MTOR: variants seen among roughly 807,000 people sequenced by gnomAD.
The protein encoded by MTOR is mechanistic target of rapamycin kinase.
MTOR carries 70 observed loss-of-function variants against 319.8 expected under a neutral mutation model. The observed-to-expected ratio is 0.22, with a 90% CI of 0.18 to 0.27. The LOEUF (loss-of-function observed/expected upper bound fraction) is 0.27. Among genes scored for constraint, MTOR ranks in the 10% least tolerant of loss-of-function variants. MTOR has a pLI of 1.00. For synonymous variants in MTOR, 1,183 were observed against 1,211.4 expected (o/e 0.98, Z 0.49); for missense variants, 1,890 against 3,274.4 (o/e 0.58, Z 10.32).
chr1:11,129,272 G>A lies in MTOR; in HGVS notation c.5715-321C>T, dbSNP rs943589279. Among the ~76,000 whole-genome samples the A allele has an allele frequency of 3.9e-5, 6 of 152,212 alleles. No homozygotes were observed. The highest frequency in any genetic ancestry group is 1.9e-4 in the East Asian group (1 of 5,188). On this transcript the variant is annotated intron_variant, in intron 40 of 57. Transcript: ENST00000361445. This position sits in a 1 kb window ranked among gnomAD's most constrained non-coding sequence, Gnocchi z 4.7. ...TCTGCACATGTAAGAGTCGCTGTACGGCAGAGGCAACAGGGACACCTGGCT... is the reference window on the plus strand; with the variant it reads ...TCTGCACATGTAAGAGTCGCTGTACAGCAGAGGCAACAGGGACACCTGGCT...
chr1:11,194,453 C>T (rs1354064236), intron 28 of MTOR: 1 of 1,613,630 alleles, frequency 6.2e-7, no homozygotes, highest in Admixed American at 1.7e-5. Context: ...CTCTGCTCCT[C>T]CTGACAGGAC....
chr1:11,205,639 A>G (rs575042631), intron 25 of MTOR, among the ~76,000 whole-genome samples: 1 of 152,352 alleles, frequency 6.6e-6, no homozygotes, highest in Admixed American at 6.5e-5. Context: ...TTTGCAGCTG[A>G]GCCTCAGAGT....
In MTOR at chr1:11,118,482, G is replaced by A. The variant is rs575115933; in HGVS notation, c.6934-1396C>T. ...GAACTCCTGACCTCGTGATCCGCCC[G>A]CCTCGGCCTCCTAAAGTGCTGGGAT... is the stretch of plus-strand genomic sequence containing the variant. On this transcript the variant is annotated intron_variant, in intron 49 of 57. Coordinates refer to ENST00000361445, the MANE Select transcript of MTOR (RefSeq NM_004958.4). Among the ~76,000 whole-genome samples, 31 of 151,528 alleles carry A rather than the reference G, an allele frequency of 2.0e-4. No homozygotes were observed. In the Middle Eastern group the frequency reaches 0.01, roughly 50 times the overall value.
At position 11,255,382 on chromosome 1, in the gene MTOR, CAAAAAAAA is replaced by C. The variant is rs56328160; in HGVS notation, c.705+602_705+609del. On this transcript the variant is annotated intron_variant, in intron 5 of 57. Transcript: ENST00000361445. ...TGGTGACAGAACAAGACTCCATCTCCAAAAAAAAAAAAAAAAAAAAAAAAAAAGAAAGA... is the reference window on the plus strand; with the variant it reads ...TGGTGACAGAACAAGACTCCATCTCCAAAAAAAAAAAAAAAAAAAGAAAGA... Among the ~76,000 whole-genome samples the C allele has an allele frequency of 2.3e-3, 222 of 98,214 alleles. 2 individuals are homozygous for C. The highest frequency in any genetic ancestry group is 0.011 in the African/African-American group (173 of 15,882). 64.4% of individuals were successfully genotyped at this position (98,214 alleles called of 152,430 possible).
At chr1:11,148,569 C>T (rs1193341244) in intron 31 of MTOR, among the ~76,000 whole-genome samples, 3 of 152,036 alleles carry the variant, frequency 2.0e-5, no homozygotes, top group Non-Finnish European at 4.4e-5. Context: ...TAGCTGGATG[C>T]AGGAACCTAA....
intron 28 of MTOR, among the ~76,000 whole-genome samples, chr1:11,197,436 G>A (rs1307937014): frequency 6.6e-6 from 1 of 152,224 alleles, no homozygotes; most frequent in Non-Finnish European, 1.5e-5. Flanking sequence ...AGACACAGGA[G>A]ACCAGCAGAA....
At chr1:11,160,820 C>T (rs980417596) in intron 29 of MTOR, among the ~76,000 whole-genome samples, 2 of 152,064 alleles carry the variant, frequency 1.3e-5, no homozygotes, top group African/African-American at 4.8e-5. Context: ...CCAAGATGGC[C>T]GAATAGGAAC....
chr1:11,261,022 CCTCAGG>C (rs1651050201), intron 1 of MTOR, among the ~76,000 whole-genome samples: 1 of 151,492 alleles, frequency 6.6e-6, no homozygotes, highest in African/African-American at 2.4e-5. Flanking sequence ...AAATTCCTGA[CCTCAGG>C]TGATCTGCCC....
At chr1:11,171,711 A>G (rs1217566468) in intron 28 of MTOR, among the ~76,000 whole-genome samples, 1 of 152,106 alleles carries the variant, frequency 6.6e-6, no homozygotes, top group Non-Finnish European at 1.5e-5. Flanking sequence ...CAAATTAAAA[A>G]TGTAAAAACA....
In MTOR at chr1:11,128,188, A is replaced by G. The variant is rs2100415631; in HGVS notation, c.5911-62T>C. On this transcript the variant is annotated intron_variant, in intron 42 of 57. Coordinates refer to ENST00000361445, the MANE Select transcript of MTOR (RefSeq NM_004958.4). This position sits in a 1 kb window ranked among gnomAD's most constrained non-coding sequence, Gnocchi z 5.3. ...TGTGGGTTGGGGAAGAGCTGGTATGAATTTTAAGGAGAATAACAAAACAAG... is the reference window on the plus strand; with the variant it reads ...TGTGGGTTGGGGAAGAGCTGGTATGGATTTTAAGGAGAATAACAAAACAAG... The G allele has an allele frequency of 6.3e-7, 1 of 1,593,944 alleles. No homozygotes were observed. Among genetic ancestry groups the G allele is most frequent in the Non-Finnish European group, 8.6e-7 (1 of 1,169,416 alleles).
chr1:11,106,635 G>A lies in MTOR; in HGVS notation c.*850C>T, dbSNP rs1641591557. On this transcript the variant is annotated 3_prime_UTR_variant, in exon 58 of 58. Transcript: ENST00000361445. ...CTTTATACTTTGTGCATTTAGTTGA[G>A]TATTTGTTCTGCTCATAATTTCCAA... 2 of 1,099,644 alleles carry A rather than the reference G, an allele frequency of 1.8e-6. No homozygotes were observed. The highest frequency in any genetic ancestry group is 3.2e-5 in the African/African-American group (2 of 62,088). The allele number at this position is 1,099,644 out of a possible 1,614,324, so 68.1% of individuals were successfully genotyped here.
intron 2 of MTOR, among the ~76,000 whole-genome samples, chr1:11,258,910 C>T (rs927116619): frequency 5.3e-5 from 8 of 152,122 alleles, no homozygotes; most frequent in African/African-American, 1.4e-4. Context: ...TTTAGAAAGC[C>T]CCTAGCTCTC....
At chr1:11,126,823 T>A (rs2100398450) in intron 45 of MTOR, 27 bp from the exon 46 acceptor site, 2 of 1,607,680 alleles carry the variant, frequency 1.2e-6, no homozygotes, top group Non-Finnish European at 1.7e-6. Flanking sequence ...AAGGATTTAG[T>A]GTTCTGCCTC....
intron 28 of MTOR, among the ~76,000 whole-genome samples, chr1:11,172,252 T>C (rs553396285): frequency 6.6e-6 from 1 of 152,052 alleles, no homozygotes; most frequent in Non-Finnish European, 1.5e-5. Flanking sequence ...AGTAAGAACA[T>C]AATCATTAAA....
chr1:11,210,435 C>T (rs559932413), intron 24 of MTOR, among the ~76,000 whole-genome samples: 1 of 152,348 alleles, frequency 6.6e-6, no homozygotes, highest in African/African-American at 2.4e-5. Flanking sequence ...GCACCCAGCC[C>T]TCTGCCTGTT....
At chr1:11,182,081 G>C (rs1163164476) in intron 28 of MTOR, among the ~76,000 whole-genome samples, 1 of 152,136 alleles carries the variant, frequency 6.6e-6, no homozygotes, top group African/African-American at 2.4e-5. Context: ...GCAAGGCATG[G>C]CAGTGCATGA....
At chr1:11,193,486 C>A in intron 28 of MTOR, 1 of 1,145,980 alleles carries the variant, frequency 8.7e-7, no homozygotes. Flanking sequence ...CATCTACTGG[C>A]TCTGCAGGGA....
intron 32 of MTOR, 64 bp downstream of exon 32, chr1:11,146,612 C>T (rs147809014): frequency 1.4e-5 from 18 of 1,272,916 alleles, no homozygotes; most frequent in East Asian, 4.6e-5. Context: ...ACCAAAGCAC[C>T]GTGGGCTTAG....
chr1:11,234,011 G>A, intron 14 of MTOR, 132 bp downstream of exon 14: 1 of 1,312,108 alleles, frequency 7.6e-7, no homozygotes, highest in Non-Finnish European at 1.1e-6. Flanking sequence ...ATGGCCCTTT[G>A]GTCTCCAAGC....
Sources: allele counts gnomAD v4.1 joint callset (sites outside exome capture counted in the v4.1 genomes callset), GRCh38; gene constraint gnomAD v4.1.1; non-coding constraint Gnocchi (gnomAD v3.1); transcripts MANE v1.5; gene names NCBI Gene and HGNC (gene_info 2026-07-23, HGNC 2026-07-21).